DNMT1: variants seen among roughly 807,000 people sequenced by gnomAD.
DNMT1 encodes DNA methyltransferase 1.
In DNMT1, 24 loss-of-function variants were observed where a neutral mutation model predicts 205.3. That is an observed-to-expected ratio of 0.12 (90% confidence interval 0.08 to 0.16). DNMT1 has a LOEUF of 0.16. Ranked by LOEUF, DNMT1 falls within the 10% of genes least tolerant of loss-of-function variation. The pLI is 1.00. For synonymous variants in DNMT1, 817 were observed against 839.8 expected (o/e 0.97, Z 0.47); for missense variants, 1,293 against 2,177.7 (o/e 0.59, Z 8.09).
rs766476306 is a variant in DNMT1 at position 10,191,213 on chromosome 19, G to A, written c.80+3607C>T. Among the ~76,000 whole-genome samples, 48 of 151,738 alleles carry A rather than the reference G, an allele frequency of 3.2e-4. 1 individual carries two copies. Among genetic ancestry groups the A allele is most frequent in the Non-Finnish European group, 4.4e-4 (30 of 67,968 alleles). The stretch of plus-strand genomic sequence containing the variant: ...GGAGAATTGCTTAAACCCGGGAAGC[G>A]GAGGCTGCAGTGAGCTGAGATCACA... On this transcript the variant is annotated intron_variant, in intron 1 of 40. Transcript: ENST00000359526.
At chr19:10,162,428 C>T (rs1269855193) in intron 13 of DNMT1, among the ~76,000 whole-genome samples, 19 of 151,312 alleles carry the variant, frequency 1.3e-4, no homozygotes, top group Admixed American at 1.3e-3. Flanking sequence ...CACCACCATG[C>T]CCAGATAATT....
intron 17 of DNMT1, among the ~76,000 whole-genome samples, chr19:10,158,515 A>G (rs904241668): frequency 6.6e-6 from 1 of 152,208 alleles, no homozygotes; most frequent in Non-Finnish European, 1.5e-5. Context: ...AAAAGGAGGC[A>G]GGGCCGTTCC....
At chr19:10,182,403 ATACATATATAT>A (rs2039070192) in intron 1 of DNMT1, among the ~76,000 whole-genome samples, 1 of 81,878 alleles carries the variant, frequency 1.2e-5, no homozygotes, top group East Asian at 3.8e-4. Flanking sequence ...GTGTATATAT[ATACATATATAT>A]GTGTATATAT....
At chr19:10,190,503 C>T (rs1436617663) in intron 1 of DNMT1, among the ~76,000 whole-genome samples, 1 of 152,112 alleles carries the variant, frequency 6.6e-6, no homozygotes, top group Admixed American at 6.6e-5. Context: ...TGGCTCATGC[C>T]TGTAATCCCA....
At chr19:10,148,224 T>C (rs374824243) in intron 27 of DNMT1, among the ~76,000 whole-genome samples, 32 of 149,490 alleles carry the variant, frequency 2.1e-4, no homozygotes, top group Middle Eastern at 3.4e-3. Flanking sequence ...AGGACAGGTG[T>C]GGTGGCTCAC....
intron 40 of DNMT1, 45 bp downstream of exon 40, chr19:10,134,172 G>T: frequency 6.2e-7 from 1 of 1,608,316 alleles, no homozygotes; most frequent in East Asian, 2.2e-5. Flanking sequence ...TGTACCCCCA[G>T]AGGGCAGTCA....
At chr19:10,185,528 A>G (rs950269473) in intron 1 of DNMT1, among the ~76,000 whole-genome samples, 2 of 151,860 alleles carry the variant, frequency 1.3e-5, no homozygotes, top group Non-Finnish European at 2.9e-5. Context: ...ACTTGGACTC[A>G]AGGTGCTACA....
chr19:10,149,368 AT>A, intron 26 of DNMT1, 84 bp downstream of exon 26: 1 of 1,500,906 alleles, frequency 6.7e-7, no homozygotes, highest in Non-Finnish European at 9.1e-7. Context: ...TTAAAAAAAA[AT>A]ACAAATCAAA....
In DNMT1 at chr19:10,137,685, C is replaced by A; in HGVS notation, c.4293+147G>T. ...ACTTCCCATGACCATGCAAGAGAGA[C>A]CAGGGGTCACACAAAGGCTGAGGAC... On this transcript the variant is annotated intron_variant, in intron 36 of 40. Transcript: ENST00000359526. The surrounding 1 kb of genome is among the most constrained non-coding windows in gnomAD (Gnocchi z 6.4). 1 of 1,139,388 alleles carries A rather than the reference C, an allele frequency of 8.8e-7. No homozygotes were observed. Among genetic ancestry groups the A allele is most frequent in the Non-Finnish European group, 1.3e-6 (1 of 785,704 alleles). 70.6% of individuals were successfully genotyped at this position (1,139,388 alleles called of 1,614,324 possible). A position where few individuals can be genotyped will look rare whatever the true frequency, so the allele number is the denominator to read the frequency against.
intron 24 of DNMT1, 109 bp from the exon 25 acceptor site, chr19:10,150,077 G>T: frequency 4.3e-6 from 4 of 928,294 alleles, no homozygotes; most frequent in Non-Finnish European, 5.2e-6. Context: ...ATTTCATTAA[G>T]AAGTCAATGA....
chr19:10,187,247 GGAA>G (rs1395061970), intron 1 of DNMT1, among the ~76,000 whole-genome samples: 1 of 151,810 alleles, frequency 6.6e-6, no homozygotes, highest in Non-Finnish European at 1.5e-5. Context: ...AGATTGGATA[GGAA>G]GAAATTATAA....
In DNMT1 at chr19:10,148,986, C is replaced by T. The variant is rs772216000; in HGVS notation, c.2618G>A (p.Gly873Glu). The T allele has an allele frequency of 6.2e-7, 1 of 1,614,012 alleles. No individual in the cohort carries two copies. The stretch of plus-strand genomic sequence containing the variant: ...GTAGAAGTAGGTCTTCCCGTCGTCC[C>T]CCTCCAGCAGGGACTCGGGATCCAT... ...GGMDPESLLE[G>E]DDGKTYFYQL... The change falls in exon 27 of 41, where the codon GGG (glycine) becomes GAG (glutamate). Residue 873 changes from glycine (G) to glutamate (E), a missense_variant. By Grantham distance (98) the Gly-to-Glu change is moderately conservative. This residue lies in a region of DNMT1 where 112 missense variants were observed against 116.6 expected (regional missense o/e 0.96). Transcript: ENST00000359526.
At chr19:10,192,287 TA>T (rs1015143332) in intron 1 of DNMT1, among the ~76,000 whole-genome samples, 1 of 150,356 alleles carries the variant, frequency 6.7e-6, no homozygotes, top group South Asian at 2.1e-4. Flanking sequence ...TCCTGTCTCT[TA>T]AAAAAAAACT....
chr19:10,160,050 T>A lies in DNMT1; in HGVS notation c.1057A>T (p.Met353Leu). ...TTPKEPTEKK[M>L]ARAKTVMNSK... The stretch of plus-strand genomic sequence containing the variant: ...TTCATGACTGTTTTGGCGCGAGCCA[T>A]TTTTTTCTCCGTTCTGGGGGAAAAA... Residue 353 changes from methionine to leucine, a missense_variant, in exon 15 of 41, where the codon ATG (methionine) becomes TTG (leucine). This residue lies in a region of DNMT1 where 394 missense variants were observed against 451.6 expected (regional missense o/e 0.87). Transcript: ENST00000359526. 1 of 1,584,952 alleles carries A rather than the reference T, an allele frequency of 6.3e-7. No individual in the cohort carries two copies.
rs536194939 is a variant in DNMT1, at chr19:10,182,863, A to G, written c.81-786T>C. ...GTATTTTGAGTAGAGACAGGGTTTCACCATGTTGGTTAAGCTGGTCTTAGA... is the reference window on the plus strand; with the variant it reads ...GTATTTTGAGTAGAGACAGGGTTTCGCCATGTTGGTTAAGCTGGTCTTAGA... On this transcript the variant is annotated intron_variant, in intron 1 of 40. Coordinates refer to ENST00000359526, the MANE Select transcript of DNMT1 (RefSeq NM_001130823.3). 5.5e-4 allele frequency among the ~76,000 whole-genome samples: 83 copies of G among 151,158 alleles called. 2 individuals carry two copies. The South Asian group carries it at 0.017, about 30-fold the overall frequency.
intron 1 of DNMT1, among the ~76,000 whole-genome samples, chr19:10,182,478 CATATATATGTGTATAT>C (rs2039080991): frequency 1.8e-5 from 2 of 108,808 alleles, no homozygotes; most frequent in Non-Finnish European, 3.8e-5. Context: ...TATATATATA[CATATATATGTGTATAT>C]ATATGTGTGT....
At chr19:10,153,769 C>T (rs1289794237) in intron 22 of DNMT1, among the ~76,000 whole-genome samples, 3 of 151,838 alleles carry the variant, frequency 2.0e-5, no homozygotes, top group Non-Finnish European at 2.9e-5. Context: ...GAGATGCCAG[C>T]GGGGATCAAA....
chr19:10,173,117 A>T lies in DNMT1; in HGVS notation c.741T>A (p.Thr247=), dbSNP rs747841682. Residue 247 remains threonine, a synonymous_variant, in exon 9 of 41, where the codon ACT becomes ACA. Coordinates refer to ENST00000359526, the MANE Select transcript of DNMT1 (RefSeq NM_001130823.3). The part of the protein sequence containing the change: ...EPERAKSGTR[T]EKEEERDEKE... Reference sequence around the variant, plus strand: ...TTTCATCTCTTTCTTCTTCCTTTTCAGTGCGCGTTCCTGATTTTGCTCTTT... The same window carrying T: ...TTTCATCTCTTTCTTCTTCCTTTTCTGTGCGCGTTCCTGATTTTGCTCTTT... 1 of 1,614,134 alleles carries T rather than the reference A, an allele frequency of 6.2e-7. No homozygotes were observed. The highest frequency in any genetic ancestry group is 2.2e-5 in the East Asian group (1 of 44,890).
chr19:10,139,221 C>G (rs541912036), intron 34 of DNMT1, among the ~76,000 whole-genome samples: 7 of 152,362 alleles, frequency 4.6e-5, no homozygotes, highest in African/African-American at 1.7e-4. Context: ...GTGCAACCCT[C>G]GGCCATCTGT....
Sources: allele counts gnomAD v4.1 joint callset (sites outside exome capture counted in the v4.1 genomes callset), GRCh38; gene constraint gnomAD v4.1.1; regional missense constraint gnomAD v4.1.1; non-coding constraint Gnocchi (gnomAD v3.1); transcripts MANE v1.5; gene names NCBI Gene and HGNC (gene_info 2026-07-23, HGNC 2026-07-21).